CEP128: variants seen among roughly 807,000 people sequenced by gnomAD.
The protein encoded by CEP128 is centrosomal protein 128kDa.
In CEP128, 132 loss-of-function variants were observed where a neutral mutation model predicts 156.7. The ratio of observed to expected loss-of-function variants is 0.84; its 90% CI spans 0.73 to 0.97. The LOEUF is 0.97. Ranked by LOEUF, CEP128 falls within the 50% of genes least tolerant of loss-of-function variation. The pLI, the probability that CEP128 is intolerant of heterozygous loss-of-function variation, is 0.00. For missense variants in CEP128, 1,252 were observed against 1,281.9 expected, an observed-to-expected ratio of 0.98 and a Z score of 0.36; for synonymous variants, 469 against 448.9, an observed-to-expected ratio of 1.04 and a Z score of -0.57.
chr14:80,618,310 A>G (rs1171875084), intron 19 of CEP128, among the ~76,000 whole-genome samples: 2 of 152,256 alleles, frequency 1.3e-5, no homozygotes, highest in African/African-American at 4.8e-5. Context: ...AGAGAGCTAC[A>G]CATCGTTCTT....
chr14:80,856,854 C>G (rs1266407102), intron 9 of CEP128, among the ~76,000 whole-genome samples: 1 of 150,436 alleles, frequency 6.6e-6, no homozygotes, highest in Non-Finnish European at 1.5e-5. Context: ...CCTCAGACTC[C>G]CAGGTGGCTG....
At chr14:80,859,194 A>G (rs1202760957) in intron 9 of CEP128, among the ~76,000 whole-genome samples, 1 of 150,548 alleles carries the variant, frequency 6.6e-6, no homozygotes. Context: ...TGGCACATAT[A>G]CACCATGGAA....
intron 19 of CEP128, among the ~76,000 whole-genome samples, chr14:80,701,887 C>A (rs1268138280): frequency 6.6e-6 from 1 of 152,166 alleles, no homozygotes; most frequent in Non-Finnish European, 1.5e-5. Flanking sequence ...GCCACGATGC[C>A]TTTGCATGGG....
intron 19 of CEP128, among the ~76,000 whole-genome samples, chr14:80,711,320 T>C (rs1307391401): frequency 2.0e-5 from 3 of 151,808 alleles, no homozygotes; most frequent in African/African-American, 7.3e-5. Context: ...TGTGTGTGTG[T>C]GTGTGTGTGT....
intron 13 of CEP128, among the ~76,000 whole-genome samples, chr14:80,818,885 C>G (rs899842872): frequency 6.6e-6 from 1 of 152,152 alleles, no homozygotes; most frequent in Non-Finnish European, 1.5e-5. Flanking sequence ...TGAGTCTTTG[C>G]TTTTAAATAT....
intron 14 of CEP128, among the ~76,000 whole-genome samples, chr14:80,791,838 G>C (rs188126303): frequency 1.0e-3 from 153 of 152,238 alleles, no homozygotes; most frequent in African/African-American, 3.6e-3. Context: ...TCTGAAATAA[G>C]TATCTGTCAC....
At chr14:80,759,365 A>G (rs965339824) in intron 17 of CEP128, among the ~76,000 whole-genome samples, 4 of 152,234 alleles carry the variant, frequency 2.6e-5, no homozygotes, top group African/African-American at 9.6e-5. Flanking sequence ...CAATATTTCA[A>G]GAATCAATAA....
At chr14:80,636,926 A>G (rs1157555241) in intron 19 of CEP128, among the ~76,000 whole-genome samples, 1 of 152,008 alleles carries the variant, frequency 6.6e-6, no homozygotes. Context: ...GTCTCTACTA[A>G]AAATACAAAA....
At chr14:80,891,818 G>C (rs1889116283) in intron 8 of CEP128, among the ~76,000 whole-genome samples, 1 of 151,740 alleles carries the variant, frequency 6.6e-6, no homozygotes, top group Non-Finnish European at 1.5e-5. Flanking sequence ...TATATTTCAT[G>C]TTTTAAAAAT....
intron 9 of CEP128, among the ~76,000 whole-genome samples, chr14:80,846,385 G>C (rs1406927218): frequency 6.6e-6 from 1 of 152,100 alleles, no homozygotes; most frequent in East Asian, 1.9e-4. Flanking sequence ...AATAAGTAAT[G>C]ACTCTTCAAG....
rs959641584 is a variant in CEP128 at position 80,643,047 on chromosome 14, C to T, written c.2807-62624G>A. Reference sequence around the variant, plus strand: ...GGGATTACAGGCGTGAGCCACCGCGCCCGGCTGACCCACATATATTAAGGG... The same window carrying T: ...GGGATTACAGGCGTGAGCCACCGCGTCCGGCTGACCCACATATATTAAGGG... On this transcript the variant is annotated intron_variant, in intron 19 of 24. Coordinates refer to ENST00000555265, the MANE Select transcript of CEP128 (RefSeq NM_152446.5). 6.6e-5 allele frequency among the ~76,000 whole-genome samples: 10 copies of T among 152,260 alleles called. No homozygotes were observed. In the South Asian group the frequency reaches 1.7e-3, roughly 25 times the overall value.
intron 13 of CEP128, among the ~76,000 whole-genome samples, chr14:80,815,731 G>A (rs545060037): frequency 3.9e-5 from 6 of 152,286 alleles, no homozygotes; most frequent in African/African-American, 1.4e-4. Context: ...CACACAAAAT[G>A]GAATACTATT....
chr14:80,717,684 T>A (rs1373075728), intron 19 of CEP128, among the ~76,000 whole-genome samples: 1 of 152,212 alleles, frequency 6.6e-6, no homozygotes, highest in Non-Finnish European at 1.5e-5. Flanking sequence ...ATGCAAAGAC[T>A]GTGCTTCTAC....
At chr14:80,880,853 A>G (rs1888504994) in intron 8 of CEP128, among the ~76,000 whole-genome samples, 1 of 134,216 alleles carries the variant, frequency 7.5e-6, no homozygotes, top group Non-Finnish European at 1.6e-5. Context: ...ACAGAGCAAG[A>G]CTCCATCTCA....
chr14:80,505,106 C>T lies in CEP128; in HGVS notation c.3073-86G>A, dbSNP rs1228515082. ...AAACGTACTGAAGCTGAAATTAAAT[C>T]TTAATATACAAGCTATGTTGTACAT... On this transcript the variant is annotated intron_variant, in intron 23 of 24. Transcript: ENST00000555265. 7 of 493,136 alleles carry T rather than the reference C, an allele frequency of 1.4e-5. 1 individual carries two copies. The Admixed American group carries it at 1.4e-4, about 10-fold the overall frequency. 30.5% of individuals were successfully genotyped at this position (493,136 alleles called of 1,614,324 possible).
At chr14:80,937,691 A>C (rs2139617955) in intron 2 of CEP128, among the ~76,000 whole-genome samples, 1 of 152,288 alleles carries the variant, frequency 6.6e-6, no homozygotes, top group Admixed American at 6.5e-5. Flanking sequence ...AGAAAAACAT[A>C]CTATACAATA....
chr14:80,827,105 T>TATATATTCTGGATCAACAAA (rs1885523276), intron 13 of CEP128, among the ~76,000 whole-genome samples: 1 of 152,192 alleles, frequency 6.6e-6, no homozygotes, highest in Non-Finnish European at 1.5e-5. Flanking sequence ...CTGCTTGAAA[T>TATATATTCTGGATCAACAAA]ATATATTCTG....
intron 19 of CEP128, among the ~76,000 whole-genome samples, chr14:80,692,350 C>G (rs1228781746): frequency 2.0e-5 from 3 of 151,992 alleles, no homozygotes; most frequent in Non-Finnish European, 4.4e-5. Context: ...ATTAGCTTAC[C>G]TAAAAATTAA....
At chr14:80,765,466 AG>A (rs959730026) in intron 16 of CEP128, among the ~76,000 whole-genome samples, 1 of 152,180 alleles carries the variant, frequency 6.6e-6, no homozygotes, top group African/African-American at 2.4e-5. Flanking sequence ...GTCAATTCAG[AG>A]GGGGCAATAT....
Sources: gnomAD v4.1 joint callset for allele counts (sites outside exome capture counted in the v4.1 genomes callset) on GRCh38, gnomAD v4.1.1 for gene constraint, MANE v1.5 for transcripts, NCBI Gene and HGNC (gene_info 2026-07-23, HGNC 2026-07-21) for gene names.